The following TAS1R2 variants were observed in gnomAD, a reference collection of about 807,000 sequenced individuals.
TAS1R2 encodes taste 1 receptor member 2.
Under a neutral mutation model 49.3 loss-of-function variants are expected in TAS1R2, and 47 were observed. The ratio of observed to expected loss-of-function variants is 0.95; its 90% CI spans 0.75 to 1.22. The LOEUF is 1.22. Among genes scored for constraint, TAS1R2 ranks in the 50% most tolerant of loss-of-function variants. The pLI is 0.00. For synonymous variants in TAS1R2, 479 were observed against 467.9 expected (o/e 1.02, Z -0.31); for missense variants, 1,155 against 1,122.1 (o/e 1.03, Z -0.42).
chr1:18,846,184 C>T (rs1933917082), intron 4 of TAS1R2, among the ~76,000 whole-genome samples: 1 of 152,232 alleles, frequency 6.6e-6, no homozygotes, highest in South Asian at 2.1e-4. Context: ...GTCTTGTATT[C>T]TGCCCTAAGG....
chr1:18,850,029 C>G (rs1211096210), intron 3 of TAS1R2, among the ~76,000 whole-genome samples: 1 of 152,178 alleles, frequency 6.6e-6, no homozygotes, highest in African/African-American at 2.4e-5. Flanking sequence ...TCTCTGTCAC[C>G]TGCAAAGGCC....
chr1:18,840,476 T>G (rs1933802897), exon 6 of TAS1R2: 1 of 1,614,066 alleles, frequency 6.2e-7, no homozygotes, highest in Non-Finnish European at 8.5e-7. Flanking sequence ...GCAGGAGGTC[T>G]CACTCTGGTA....
At chr1:18,858,045 A>T (rs1407879227) in intron 1 of TAS1R2, among the ~76,000 whole-genome samples, 2 of 151,738 alleles carry the variant, frequency 1.3e-5, no homozygotes, top group African/African-American at 4.8e-5. Context: ...CATCACCACC[A>T]TCATCACCGT....
In TAS1R2 at chr1:18,840,628, C is replaced by T. The variant is rs1933806172; in HGVS notation, c.1592-101G>A. 8.0e-6 allele frequency: 10 copies of T among 1,255,076 alleles called. No individual in the cohort carries two copies. The South Asian group carries it at 1.2e-4, about 15-fold the overall frequency. The allele number at this position is 1,255,076 out of a possible 1,614,324, so 77.7% of individuals were successfully genotyped here. A position where few individuals can be genotyped will look rare whatever the true frequency, so the allele number is the denominator to read the frequency against. On this transcript the variant is annotated intron_variant, in intron 5 of 5. Transcript: ENST00000375371. ...CCAGGCTCCAGGGATGAAGAGAGAG[C>T]ACCAAGGGCAACCCTTGCATTCACA...
At chr1:18,856,511 G>GTCTC (rs367758455) in intron 2 of TAS1R2, among the ~76,000 whole-genome samples, 5 of 152,058 alleles carry the variant, frequency 3.3e-5, no homozygotes, top group African/African-American at 1.2e-4. Context: ...TTTATTTTCT[G>GTCTC]TCTCTCTCCA....
In TAS1R2 at chr1:18,854,443, G is replaced by C. The variant is rs758897641; in HGVS notation, c.1027C>G (p.Pro343Ala). The change falls in exon 3 of 6, where the codon CCA becomes GCA. Residue 343 changes from proline to alanine, a missense_variant. Coordinates refer to ENST00000375371, the Ensembl canonical transcript of TAS1R2. This position sits in a 1 kb window ranked among gnomAD's most constrained non-coding sequence, Gnocchi z 4.9. Reference sequence around the variant, plus strand: ...CTGAGGGGTGGCGGCCCAGCCTGTGGGCCCCACTCGCGGAACTCACTGAAG... The same window carrying C: ...CTGAGGGGTGGCGGCCCAGCCTGTGCGCCCCACTCGCGGAACTCACTGAAG... 3.1e-6 allele frequency: 5 copies of C among 1,614,144 alleles called. No homozygotes were observed. The South Asian group carries it at 5.5e-5, about 18-fold the overall frequency.
chr1:18,839,664 G>C, exon 6 of TAS1R2: 1 of 1,614,168 alleles, frequency 6.2e-7, no homozygotes, highest in Non-Finnish European at 8.5e-7. Flanking sequence ...TTGCGCTCCG[G>C]GTAGAAGAGG....
At chr1:18,846,527 C>G (rs550528458) in intron 4 of TAS1R2, among the ~76,000 whole-genome samples, 107 of 152,314 alleles carry the variant, frequency 7.0e-4, no homozygotes, top group Non-Finnish European at 1.3e-3. Flanking sequence ...TGGGAGACAC[C>G]AAAGCTAAGA....
intron 4 of TAS1R2, among the ~76,000 whole-genome samples, chr1:18,844,245 A>G (rs118016642): frequency 6.6e-6 from 1 of 152,292 alleles, no homozygotes; most frequent in East Asian, 1.9e-4. Flanking sequence ...GTCCTGAAGG[A>G]TGGATATTCT....
chr1:18,840,503 G>C (rs199701205), exon 6 of TAS1R2: 1 of 1,614,140 alleles, frequency 6.2e-7, no homozygotes, highest in East Asian at 2.2e-5. Flanking sequence ...CTCGTTATTC[G>C]GGCAGGCCTG....
At chr1:18,852,309 C>T (rs1362118077) in intron 3 of TAS1R2, among the ~76,000 whole-genome samples, 2 of 152,170 alleles carry the variant, frequency 1.3e-5, no homozygotes, top group Non-Finnish European at 2.9e-5. Flanking sequence ...ATGAGGGGGT[C>T]CATTTAGGAC....
chr1:18,848,872 C>T (rs957685659), intron 4 of TAS1R2, among the ~76,000 whole-genome samples: 6 of 152,064 alleles, frequency 3.9e-5, no homozygotes, highest in East Asian at 1.9e-4. Flanking sequence ...GTGAGTTGTA[C>T]GATTATTTCA....
intron 2 of TAS1R2, among the ~76,000 whole-genome samples, chr1:18,855,662 C>T (rs1934126665): frequency 6.6e-6 from 1 of 152,196 alleles, no homozygotes; most frequent in Non-Finnish European, 1.5e-5. Context: ...GCCGGGACTT[C>T]TCTCCTGAAC....
At chr1:18,844,760 AAG>A (rs1236039802) in intron 4 of TAS1R2, among the ~76,000 whole-genome samples, 30 of 17,332 alleles carry the variant, frequency 1.7e-3, no homozygotes, top group African/African-American at 3.1e-3. Flanking sequence ...TCAGAAAAAA[AAG>A]AAGAAGAAGA....
exon 2 of TAS1R2, chr1:18,857,431 T>C: frequency 6.2e-7 from 1 of 1,614,214 alleles, no homozygotes; most frequent in Non-Finnish European, 8.5e-7. Context: ...GTAGTTACTG[T>C]AGTCCTCTTG....
exon 6 of TAS1R2, chr1:18,839,912 A>G (rs1933784132): frequency 6.2e-7 from 1 of 1,614,222 alleles, no homozygotes; most frequent in Non-Finnish European, 8.5e-7. Context: ...TGAGAGCAGC[A>G]GGTCCAGGCT....
At chr1:18,840,860 A>G (rs1933811292) in intron 5 of TAS1R2, among the ~76,000 whole-genome samples, 1 of 152,226 alleles carries the variant, frequency 6.6e-6, no homozygotes, top group South Asian at 2.1e-4. Context: ...CTCTGGTGTG[A>G]GAGGCATTCA....
rs78599639 is a variant in TAS1R2 at position 18,855,121 on chromosome 1, G to A, written c.484-135C>T. 2,410 of 1,088,766 alleles carry A rather than the reference G, an allele frequency of 2.2e-3. 39 individuals carry two copies. The African/African-American group carries it at 0.031, about 14-fold the overall frequency. 67.4% of individuals were successfully genotyped at this position (1,088,766 alleles called of 1,614,324 possible). On this transcript the variant is annotated intron_variant, in intron 2 of 5. Transcript: ENST00000375371. ...CCAGGGGTAGGTGGTTTACACCATC[G>A]TCAATCATCATGGTCCCCAGGTAGC...
intron 4 of TAS1R2, among the ~76,000 whole-genome samples, chr1:18,845,902 G>T (rs1933911311): frequency 6.6e-6 from 1 of 152,192 alleles, no homozygotes; most frequent in Non-Finnish European, 1.5e-5. Flanking sequence ...AACCCAGAAT[G>T]GTAAGCAGAA....
Sources: allele counts gnomAD v4.1 joint callset (sites outside exome capture counted in the v4.1 genomes callset), GRCh38; gene constraint gnomAD v4.1.1; non-coding constraint Gnocchi (gnomAD v3.1); transcripts MANE v1.5; gene names NCBI Gene and HGNC (gene_info 2026-07-23, HGNC 2026-07-21).